ANK2: variants seen among roughly 807,000 people sequenced by gnomAD.
The protein encoded by ANK2 is ankyrin 2.
In ANK2, 83 loss-of-function variants were observed where a neutral mutation model predicts 360.5. That is an observed-to-expected ratio of 0.23 (90% CI 0.19 to 0.28). The LOEUF (loss-of-function observed/expected upper bound fraction) is 0.28, where lower values mean the gene tolerates loss of function less well. ANK2 is among the 10% of genes least tolerant of loss of function. The probability of loss-of-function intolerance (pLI) is 1.00; values close to 1 mark genes in which losing one functional copy is unlikely to be tolerated. For missense variants in ANK2, 4,201 were observed against 4,795.7 expected, an observed-to-expected ratio of 0.88 and a Z score of 3.66; for synonymous variants, 1,740 against 1,759.5, an observed-to-expected ratio of 0.99 and a Z score of 0.28.
In ANK2 at chr4:113,341,926, CA is replaced by C; in HGVS notation, c.4122+15del. 2 of 1,574,264 alleles carry C rather than the reference CA, an allele frequency of 1.3e-6. No individual in the cohort carries two copies. Among genetic ancestry groups the C allele is most frequent in the Non-Finnish European group, 1.7e-6 (2 of 1,147,722 alleles). On this transcript the variant is annotated intron_variant, in intron 33 of 45. Coordinates refer to ENST00000357077, the MANE Select transcript of ANK2 (RefSeq NM_001148.6). The stretch of plus-strand genomic sequence containing the variant: ...AAGCAGGGATGTGGAGGTACTGTAC[CA>C]AAAATAATAATAATAATTTATGCCA...
chr4:112,720,257 C>A, the ANK2 span, among the ~76,000 whole-genome samples: 2 of 152,134 alleles, frequency 1.3e-5, no homozygotes, highest in Non-Finnish European at 2.9e-5. Flanking sequence ...TAGTGTAAAC[C>A]CCTCTGTTGA....
intron 1 of ANK2, among the ~76,000 whole-genome samples, chr4:113,111,752 G>A (rs751565933): frequency 6.6e-6 from 1 of 152,134 alleles, no homozygotes; most frequent in Non-Finnish European, 1.5e-5. Context: ...TGAGAAGAAA[G>A]CAGCCCTGAG....
At position 113,374,920 on chromosome 4, in the gene ANK2, C is replaced by T. The variant is rs983944053; in HGVS notation, c.11859+1471C>T. Reference sequence around the variant, plus strand: ...GGATTCTAGTTTAGCCACTGATCTTCCTTCAGCCAAAGATGACTTTGAAGA... The same window carrying T: ...GGATTCTAGTTTAGCCACTGATCTTTCTTCAGCCAAAGATGACTTTGAAGA... On this transcript the variant is annotated intron_variant, in intron 45 of 45. Transcript: ENST00000357077. 25 of 1,223,386 alleles carry T rather than the reference C, an allele frequency of 2.0e-5. No individual in the cohort carries two copies. The highest frequency in any genetic ancestry group is 2.5e-5 in the Non-Finnish European group (24 of 956,032). 75.8% of individuals were successfully genotyped at this position (1,223,386 alleles called of 1,614,324 possible). A position where few individuals can be genotyped will look rare whatever the true frequency, so the allele number is the denominator to read the frequency against.
the ANK2 span, among the ~76,000 whole-genome samples, chr4:112,762,926 A>G: frequency 2.0e-5 from 3 of 152,268 alleles, no homozygotes; most frequent in Admixed American, 6.5e-5. Context: ...TCTAGTGGCA[A>G]TAATTTACTG....
At chr4:113,156,095 A>G (rs1030600626) in intron 1 of ANK2, among the ~76,000 whole-genome samples, 2 of 152,206 alleles carry the variant, frequency 1.3e-5, no homozygotes, top group African/African-American at 4.8e-5. Context: ...CAAGACAGGG[A>G]CAAAGATGTA....
At chr4:113,017,346 G>C (rs1318099971) in intron 2 of ANK2, among the ~76,000 whole-genome samples, 1 of 151,158 alleles carries the variant, frequency 6.6e-6, no homozygotes, top group African/African-American at 2.4e-5. Flanking sequence ...GATGATATAA[G>C]CTCTACAGAA....
chr4:113,127,574 A>G (rs186793939), intron 1 of ANK2, among the ~76,000 whole-genome samples: 1 of 152,104 alleles, frequency 6.6e-6, no homozygotes, highest in Admixed American at 6.5e-5. Context: ...GAGATTGTGG[A>G]CTTGAGGATA....
At chr4:112,718,428 C>T in the ANK2 span, among the ~76,000 whole-genome samples, 1 of 152,144 alleles carries the variant, frequency 6.6e-6, no homozygotes, top group African/African-American at 2.4e-5. Context: ...AAATTTCCTG[C>T]CTCAGCCTCC....
At chr4:112,984,267 A>T (rs1215860477) in intron 2 of ANK2, among the ~76,000 whole-genome samples, 1 of 152,218 alleles carries the variant, frequency 6.6e-6, no homozygotes, top group Non-Finnish European at 1.5e-5. Flanking sequence ...CACGCTGCTG[A>T]TAAAGACATA....
At chr4:113,087,385 G>T (rs1479610440) in intron 1 of ANK2, among the ~76,000 whole-genome samples, 3 of 152,068 alleles carry the variant, frequency 2.0e-5, no homozygotes, top group African/African-American at 7.2e-5. Flanking sequence ...AAATTGTAAA[G>T]GTTCCAAGTT....
chr4:113,076,481 T>C (rs920443052), intron 1 of ANK2, among the ~76,000 whole-genome samples: 2 of 152,212 alleles, frequency 1.3e-5, no homozygotes, highest in Non-Finnish European at 2.9e-5. Context: ...TTTGTATCCA[T>C]TGTAGGATTT....
intron 1 of ANK2, among the ~76,000 whole-genome samples, chr4:113,066,954 A>G (rs961800691): frequency 2.0e-5 from 3 of 151,990 alleles, no homozygotes; most frequent in African/African-American, 7.2e-5. Flanking sequence ...TGGCGATAGT[A>G]AGCATTATGT....
chr4:113,129,110 C>T (rs1016729877), intron 1 of ANK2, among the ~76,000 whole-genome samples: 1 of 151,996 alleles, frequency 6.6e-6, no homozygotes, highest in Admixed American at 6.6e-5. Context: ...CAAATAATAA[C>T]TCATAGAATA....
intron 1 of ANK2, among the ~76,000 whole-genome samples, chr4:112,889,624 A>G (rs2079397387): frequency 6.6e-6 from 1 of 150,698 alleles, no homozygotes; most frequent in Non-Finnish European, 1.5e-5. Flanking sequence ...TTTCTACTTT[A>G]CAAATTAATG....
chr4:113,370,057 A>G (rs1436796468), intron 43 of ANK2, among the ~76,000 whole-genome samples: 1 of 152,220 alleles, frequency 6.6e-6, no homozygotes, highest in Non-Finnish European at 1.5e-5. Flanking sequence ...TCTTTTGCTA[A>G]GAAAAATGAA....
intron 43 of ANK2, among the ~76,000 whole-genome samples, chr4:113,371,017 A>T (rs1035606820): frequency 6.6e-6 from 1 of 152,206 alleles, no homozygotes; most frequent in African/African-American, 2.4e-5. Context: ...TATAAATTAA[A>T]TTAGATATTG....
intron 26 of ANK2, among the ~76,000 whole-genome samples, chr4:113,319,012 A>C (rs1371402115): frequency 6.6e-6 from 1 of 152,242 alleles, no homozygotes; most frequent in African/African-American, 2.4e-5. Context: ...GTTCAATGAA[A>C]TAAATGCCTT....
chr4:113,253,060 A>C (rs2047324934), intron 10 of ANK2, among the ~76,000 whole-genome samples: 1 of 152,202 alleles, frequency 6.6e-6, no homozygotes, highest in South Asian at 2.1e-4. Flanking sequence ...GATAATTTCC[A>C]GAGACTCCCA....
intron 34 of ANK2, among the ~76,000 whole-genome samples, chr4:113,345,373 C>T (rs2094726655): frequency 6.6e-6 from 1 of 152,114 alleles, no homozygotes; most frequent in Non-Finnish European, 1.5e-5. Flanking sequence ...GATTATACAA[C>T]TTTGTGAATG....
Sources: allele counts gnomAD v4.1 joint callset (sites outside exome capture counted in the v4.1 genomes callset), GRCh38; gene constraint gnomAD v4.1.1; transcripts MANE v1.5; gene names NCBI Gene and HGNC (gene_info 2026-07-23, HGNC 2026-07-21).